The following P4HA1 variants were observed in gnomAD, a reference collection of about 807,000 sequenced individuals.
The protein encoded by P4HA1 is prolyl 4-hydroxylase subunit alpha 1.
P4HA1 carries 24 observed loss-of-function variants against 72.8 expected under a neutral mutation model. The ratio of observed to expected loss-of-function variants is 0.33; its 90% CI spans 0.24 to 0.46. The LOEUF (loss-of-function observed/expected upper bound fraction) is 0.46. Among genes scored for constraint, P4HA1 ranks in the 20% least tolerant of loss-of-function variants. The probability of loss-of-function intolerance (pLI) is 1.00; values close to 1 mark genes in which losing one functional copy is unlikely to be tolerated. For synonymous variants in P4HA1, 201 were observed against 218.8 expected (o/e 0.92, Z 0.72); for missense variants, 446 against 640.6 (o/e 0.70, Z 3.28).
At chr10:73,010,210 C>T (rs963641386) in intron 13 of P4HA1, among the ~76,000 whole-genome samples, 6 of 152,066 alleles carry the variant, frequency 3.9e-5, no homozygotes, top group Admixed American at 6.6e-5. Flanking sequence ...TCAGATGATC[C>T]GCCCATCTTG....
intron 1 of P4HA1, among the ~76,000 whole-genome samples, chr10:73,096,316 C>G (rs570075768): frequency 3.0e-4 from 45 of 152,344 alleles, no homozygotes; most frequent in African/African-American, 1.0e-3. Context: ...ATCCGCTCTC[C>G]ACCGCCACAT....
chr10:73,013,230 T>G (rs1044564562), intron 12 of P4HA1, among the ~76,000 whole-genome samples: 1 of 152,162 alleles, frequency 6.6e-6, no homozygotes, highest in Admixed American at 6.5e-5. Context: ...AGTGGTAGGG[T>G]CTGTGTGCCC....
intron 6 of P4HA1, among the ~76,000 whole-genome samples, 187 bp from the exon 7 acceptor site, chr10:73,051,436 A>G (rs1220785044): frequency 6.6e-6 from 1 of 152,182 alleles, no homozygotes; most frequent in South Asian, 2.1e-4. Flanking sequence ...ACTGCCCCCA[A>G]GTAAATCAGG....
chr10:73,086,366 A>G (rs1454469790), intron 1 of P4HA1, among the ~76,000 whole-genome samples: 1 of 152,272 alleles, frequency 6.6e-6, no homozygotes, highest in African/African-American at 2.4e-5. Flanking sequence ...AAGTACTGAT[A>G]TATGTTATAA....
intron 5 of P4HA1, among the ~76,000 whole-genome samples, chr10:73,057,061 A>G (rs1317534973): frequency 3.1e-5 from 4 of 129,060 alleles, no homozygotes; most frequent in South Asian, 2.2e-4. Flanking sequence ...CGCTGTCTCG[A>G]AAAAAAAAAA....
chr10:73,035,906 C>T (rs910463690), intron 9 of P4HA1, among the ~76,000 whole-genome samples: 6 of 152,062 alleles, frequency 3.9e-5, no homozygotes, highest in Admixed American at 6.6e-5. Flanking sequence ...TAACATATCT[C>T]GGCCAGGCGC....
rs1451411876 is a variant in P4HA1, at chr10:73,053,596, A to G, written c.464-6T>C. 6.2e-7 allele frequency: 1 copy of G among 1,612,260 alleles called. No homozygotes were observed. The highest frequency in any genetic ancestry group is 8.5e-7 in the Non-Finnish European group (1 of 1,179,262). ...AAAAGATTTGTGTTTCACTCCTATGAAAAGAAAATACAGAGAACTTTAGGA... is the reference window on the plus strand; with the variant it reads ...AAAAGATTTGTGTTTCACTCCTATGGAAAGAAAATACAGAGAACTTTAGGA... On this transcript the variant is annotated splice_region_variant and splice_polypyrimidine_tract_variant and intron_variant, in intron 5 of 14. Transcript: ENST00000394890.
chr10:73,018,592 C>T (rs151191064), intron 10 of P4HA1, among the ~76,000 whole-genome samples: 17 of 152,152 alleles, frequency 1.1e-4, no homozygotes, highest in African/African-American at 3.9e-4. Flanking sequence ...CTCCACCAAT[C>T]CAGGTTCTAG....
At chr10:73,024,064 A>T (rs1283412778) in intron 10 of P4HA1, among the ~76,000 whole-genome samples, 1 of 152,146 alleles carries the variant, frequency 6.6e-6, no homozygotes, top group African/African-American at 2.4e-5. Flanking sequence ...CTCCACTGTC[A>T]ATATGAGATC....
chr10:73,021,806 C>G (rs1840142722), intron 10 of P4HA1, among the ~76,000 whole-genome samples: 1 of 152,260 alleles, frequency 6.6e-6, no homozygotes, highest in South Asian at 2.1e-4. Flanking sequence ...GCTTTTCCCA[C>G]AGTCTTAGCA....
chr10:73,031,684 T>A (rs1295541061), intron 9 of P4HA1, among the ~76,000 whole-genome samples: 1 of 152,134 alleles, frequency 6.6e-6, no homozygotes, highest in Non-Finnish European at 1.5e-5. Context: ...GGTACAGGAT[T>A]TTTTTTGAGT....
At chr10:73,019,651 A>C (rs1840088027) in intron 10 of P4HA1, among the ~76,000 whole-genome samples, 1 of 143,342 alleles carries the variant, frequency 7.0e-6, no homozygotes, top group South Asian at 2.4e-4. Flanking sequence ...AATCGCTTGA[A>C]CCTGGGAGGC....
Position 73,068,998 on chromosome 10 carries a change from ATC to A in P4HA1, c.326-17_326-16del. On this transcript the variant is annotated splice_polypyrimidine_tract_variant and intron_variant, in intron 4 of 14. Coordinates refer to ENST00000394890, the MANE Select transcript of P4HA1 (RefSeq NM_001017962.3). ...AGAGATAAAGCCTTGAAATAGATAA[ATC>A]AAAGAAAAAAAAACTGTAGAACCTC... 1 of 1,588,808 alleles carries A rather than the reference ATC, an allele frequency of 6.3e-7. No homozygotes were observed. The highest frequency in any genetic ancestry group is 1.8e-5 in the Admixed American group (1 of 56,854).
At chr10:73,058,437 G>A (rs1447727645) in intron 5 of P4HA1, among the ~76,000 whole-genome samples, 1 of 152,124 alleles carries the variant, frequency 6.6e-6, no homozygotes, top group Non-Finnish European at 1.5e-5. Context: ...AAAAATTACA[G>A]GCTATGACAC....
At chr10:73,069,095 G>T in intron 4 of P4HA1, 112 bp from the exon 5 acceptor site, 1 of 787,408 alleles carries the variant, frequency 1.3e-6, no homozygotes, top group Non-Finnish European at 2.0e-6. Context: ...ACCACACCAT[G>T]AAAAGTTCTA....
chr10:73,037,548 TATATATATATATA>T (rs1392423976), intron 9 of P4HA1, among the ~76,000 whole-genome samples: 24 of 28,832 alleles, frequency 8.3e-4, no homozygotes, highest in African/African-American at 3.2e-3. Flanking sequence ...TATATATATA[TATATATATATATA>T]TATATATATA....
intron 1 of P4HA1, among the ~76,000 whole-genome samples, chr10:73,084,081 A>G (rs1841877172): frequency 1.3e-5 from 2 of 152,232 alleles, no homozygotes; most frequent in South Asian, 4.1e-4. Flanking sequence ...ACCACCATCA[A>G]TCCCTTTTGT....
intron 9 of P4HA1, among the ~76,000 whole-genome samples, chr10:73,041,063 CTATT>C (rs1840721569): frequency 6.6e-6 from 1 of 152,082 alleles, no homozygotes; most frequent in Non-Finnish European, 1.5e-5. Context: ...TCCTTACTAT[CTATT>C]AGTGTTCCTT....
rs566371335 is a variant in P4HA1 at position 73,059,421 on chromosome 10, AT to A, written c.464-5832del. ...CCCGGGCAAAATAATGAGACAATAT[AT>A]TTAAAAAAAAAAAAAAAAAAAAAAA... On this transcript the variant is annotated intron_variant, in intron 5 of 14. Coordinates refer to ENST00000394890, the MANE Select transcript of P4HA1 (RefSeq NM_001017962.3). Among the ~76,000 whole-genome samples, 19 of 108,170 alleles carry A rather than the reference AT, an allele frequency of 1.8e-4. 1 individual carries two copies. Among genetic ancestry groups the A allele is most frequent in the African/African-American group, 6.3e-4 (14 of 22,346 alleles). 71.0% of individuals were successfully genotyped at this position (108,170 alleles called of 152,430 possible).
Sources: gnomAD v4.1 joint callset for allele counts (sites outside exome capture counted in the v4.1 genomes callset) on GRCh38, gnomAD v4.1.1 for gene constraint, MANE v1.5 for transcripts, NCBI Gene and HGNC (gene_info 2026-07-23, HGNC 2026-07-21) for gene names.